PTPRZ1: variants seen among roughly 807,000 people sequenced by gnomAD.
The protein encoded by PTPRZ1 is protein tyrosine phosphatase receptor type Z1.
A neutral mutation model predicts 214.1 loss-of-function variants in PTPRZ1; 82 were observed. That is an observed-to-expected ratio of 0.38 (90% CI 0.32 to 0.46). The LOEUF (loss-of-function observed/expected upper bound fraction) is 0.46, where lower values mean the gene tolerates loss of function less well. PTPRZ1 is among the 20% of genes least tolerant of loss of function. The probability of loss-of-function intolerance (pLI) is 1.00; values close to 1 mark genes in which losing one functional copy is unlikely to be tolerated. For missense variants in PTPRZ1, 2,603 were observed against 2,748.7 expected (o/e 0.95, Z 1.19); for synonymous variants, 945 against 987.9 (o/e 0.96, Z 0.81).
intron 13 of PTPRZ1, among the ~76,000 whole-genome samples, chr7:122,020,487 G>A (rs1405521442): frequency 6.6e-6 from 1 of 152,132 alleles, no homozygotes; most frequent in African/African-American, 2.4e-5. Context: ...AAGGAAAAGG[G>A]CATTCCAGGC....
chr7:122,044,712 G>C, intron 23 of PTPRZ1, 144 bp downstream of exon 23: 1 of 806,114 alleles, frequency 1.2e-6, no homozygotes, highest in Non-Finnish European at 1.9e-6. Context: ...CTTACTGTGG[G>C]CTACAGTGCC....
rs757655650 is a variant in PTPRZ1 at position 122,014,249 on chromosome 7, G to T, written c.4843+360G>T. ...AAGATCAGAGTATGCTATTTTAGATGATTTTAATTTTCATACTTTTGTTCT... is the reference window on the plus strand; with the variant it reads ...AAGATCAGAGTATGCTATTTTAGATTATTTTAATTTTCATACTTTTGTTCT... On this transcript the variant is annotated intron_variant, in intron 12 of 29. Transcript: ENST00000393386. 3.3e-5 allele frequency among the ~76,000 whole-genome samples: 5 copies of T among 151,856 alleles called. No individual in the cohort carries two copies. The South Asian group carries it at 6.2e-4, about 19-fold the overall frequency.
At chr7:121,907,587 A>C (rs1795154123) in intron 1 of PTPRZ1, among the ~76,000 whole-genome samples, 1 of 152,042 alleles carries the variant, frequency 6.6e-6, no homozygotes, top group Non-Finnish European at 1.5e-5. Flanking sequence ...TTAAATGATT[A>C]GAAAATATCC....
chr7:121,902,506 A>T (rs1368786839), intron 1 of PTPRZ1, among the ~76,000 whole-genome samples: 1 of 152,018 alleles, frequency 6.6e-6, no homozygotes, highest in Non-Finnish European at 1.5e-5. Context: ...TCCTTTCTTT[A>T]TATCCTCACC....
chr7:121,887,670 A>G (rs576389162), intron 1 of PTPRZ1, among the ~76,000 whole-genome samples: 1 of 152,292 alleles, frequency 6.6e-6, no homozygotes, highest in Non-Finnish European at 1.5e-5. Context: ...AAAAGGGAAG[A>G]AAGATGACTG....
At chr7:121,931,296 G>C (rs1795915538) in intron 2 of PTPRZ1, among the ~76,000 whole-genome samples, 1 of 152,086 alleles carries the variant, frequency 6.6e-6, no homozygotes, top group Non-Finnish European at 1.5e-5. Context: ...AAGTCAGCCT[G>C]GTTTAGTTTT....
chr7:121,909,972 A>G (rs1320028780), intron 1 of PTPRZ1, among the ~76,000 whole-genome samples: 1 of 152,154 alleles, frequency 6.6e-6, no homozygotes, highest in East Asian at 1.9e-4. Flanking sequence ...CAAAAAAGTA[A>G]ATATTTTTAA....
At chr7:121,962,726 A>T (rs1205580832) in intron 2 of PTPRZ1, among the ~76,000 whole-genome samples, 1 of 151,084 alleles carries the variant, frequency 6.6e-6, no homozygotes, top group South Asian at 2.1e-4. Flanking sequence ...CACCATACCC[A>T]GCTAATTTTT....
At chr7:122,000,713 G>A (rs1241158976) in intron 10 of PTPRZ1, among the ~76,000 whole-genome samples, 1 of 117,574 alleles carries the variant, frequency 8.5e-6, no homozygotes, top group African/African-American at 3.3e-5. Context: ...TTGAGGTGGA[G>A]TCTTGCTCTG....
intron 2 of PTPRZ1, among the ~76,000 whole-genome samples, chr7:121,948,890 G>C (rs748158671): frequency 6.6e-6 from 1 of 151,972 alleles, no homozygotes; most frequent in Non-Finnish European, 1.5e-5. Flanking sequence ...CATGCATTCT[G>C]AACATTATAT....
intron 13 of PTPRZ1, among the ~76,000 whole-genome samples, chr7:122,020,002 T>C (rs1798968057): frequency 1.3e-5 from 2 of 152,192 alleles, no homozygotes; most frequent in East Asian, 1.9e-4. Context: ...AGGAATCATA[T>C]GTGTAAACCA....
intron 23 of PTPRZ1, among the ~76,000 whole-genome samples, chr7:122,049,882 T>G (rs1350186251): frequency 6.6e-6 from 1 of 152,134 alleles, no homozygotes; most frequent in East Asian, 1.9e-4. Flanking sequence ...TATGGAAGAC[T>G]TATGATGTGA....
At chr7:121,968,279 G>A in intron 3 of PTPRZ1, 149 bp downstream of exon 3, 2 of 569,598 alleles carry the variant, frequency 3.5e-6, no homozygotes, top group Non-Finnish European at 2.8e-6. Context: ...AGAGAAAATG[G>A]GAAATTTAGA....
At chr7:121,911,772 C>CTT (rs3069078) in intron 1 of PTPRZ1, among the ~76,000 whole-genome samples, 103,216 of 151,518 alleles carry the variant, frequency 0.68, 36,795 homozygotes, top group African/African-American at 0.9. Flanking sequence ...ATTTTGGAAA[C>CTT]TTTAATTTTA....
At chr7:121,894,131 CTG>C (rs1433205885) in intron 1 of PTPRZ1, among the ~76,000 whole-genome samples, 1 of 152,110 alleles carries the variant, frequency 6.6e-6, no homozygotes, top group Non-Finnish European at 1.5e-5. Context: ...ATTTCTAAGA[CTG>C]TTGATTCACA....
intron 1 of PTPRZ1, among the ~76,000 whole-genome samples, chr7:121,909,725 T>C (rs927739125): frequency 1.1e-4 from 17 of 152,128 alleles, no homozygotes; most frequent in Admixed American, 2.6e-4. Flanking sequence ...TAAATACTTA[T>C]ACATGAAAGT....
intron 1 of PTPRZ1, among the ~76,000 whole-genome samples, chr7:121,899,061 T>C (rs192553756): frequency 6.6e-6 from 1 of 152,232 alleles, no homozygotes; most frequent in Non-Finnish European, 1.5e-5. Flanking sequence ...ATCACTGCTT[T>C]CTTTTCCATC....
intron 1 of PTPRZ1, among the ~76,000 whole-genome samples, chr7:121,911,437 T>C (rs1795274348): frequency 6.6e-6 from 1 of 152,120 alleles, no homozygotes; most frequent in Admixed American, 6.6e-5. Flanking sequence ...AGTCCTTTTT[T>C]CTTGTCTCAG....
intron 2 of PTPRZ1, among the ~76,000 whole-genome samples, chr7:121,959,021 C>T (rs928945030): frequency 6.6e-6 from 1 of 152,106 alleles, no homozygotes; most frequent in East Asian, 1.9e-4. Flanking sequence ...GGCGGGGTTT[C>T]ACCATGTTAG....
Sources: allele counts gnomAD v4.1 joint callset (sites outside exome capture counted in the v4.1 genomes callset), GRCh38; gene constraint gnomAD v4.1.1; transcripts MANE v1.5; gene names NCBI Gene and HGNC (gene_info 2026-07-23, HGNC 2026-07-21).